Variants in LRIG1 observed in about 807,000 individuals in gnomAD.
LRIG1 encodes leucine rich repeats and immunoglobulin like domains 1.
In LRIG1, 48 loss-of-function variants were observed where a neutral mutation model predicts 99.2. The observed-to-expected ratio is 0.48, with a 90% CI of 0.38 to 0.62. LRIG1 has a LOEUF of 0.62. Ranked by LOEUF, LRIG1 falls within the 20% of genes least tolerant of loss-of-function variation. The pLI is 0.00. For synonymous variants in LRIG1, 772 were observed against 596.1 expected (o/e 1.29, Z -4.30); for missense variants, 1,646 against 1,434.4 (o/e 1.15, Z -2.38).
Position 66,441,052 on chromosome 3 carries a change from G to A in LRIG1, c.365+10507C>T, listed in dbSNP as rs142264087. ...GGAGCCCTGCTATTTACAAACTAAC[G>A]TCACAGCAGCTGTCCCCGAGGAAAA... On this transcript the variant is annotated intron_variant, in intron 3 of 18. Transcript: ENST00000273261. 7.5e-3 allele frequency among the ~76,000 whole-genome samples: 1,142 copies of A among 152,200 alleles called. 8 individuals are homozygous for A. Among genetic ancestry groups the A allele is most frequent in the Non-Finnish European group, 0.012 (809 of 68,020 alleles).
At chr3:66,496,580 T>A (rs1430902490) in intron 1 of LRIG1, among the ~76,000 whole-genome samples, 1 of 152,216 alleles carries the variant, frequency 6.6e-6, no homozygotes, top group Non-Finnish European at 1.5e-5. Context: ...TCAGACTGTA[T>A]TCTTGGCAAT....
At chr3:66,381,086 G>A in intron 17 of LRIG1, 1 of 597,466 alleles carries the variant, frequency 1.7e-6, no homozygotes, top group Non-Finnish European at 3.0e-6. Flanking sequence ...GAATTTCATA[G>A]ACAATGTAGT....
chr3:66,439,725 G>A (rs896599152), intron 3 of LRIG1, among the ~76,000 whole-genome samples: 2 of 152,104 alleles, frequency 1.3e-5, no homozygotes, highest in African/African-American at 4.8e-5. Flanking sequence ...GAATGCAAAT[G>A]ACAGTTGGGT....
intron 3 of LRIG1, among the ~76,000 whole-genome samples, chr3:66,445,287 A>T (rs1382566728): frequency 1.3e-5 from 2 of 149,590 alleles, no homozygotes; most frequent in South Asian, 2.1e-4. Context: ...TTTTTTTTTT[A>T]AAGTAAGGTT....
intron 3 of LRIG1, among the ~76,000 whole-genome samples, chr3:66,419,094 G>A (rs1490254838): frequency 6.6e-6 from 1 of 152,238 alleles, no homozygotes; most frequent in Non-Finnish European, 1.5e-5. Context: ...TCCGGGAACT[G>A]TGAATGTGGT....
At chr3:66,451,341 T>C (rs1703898604) in intron 3 of LRIG1, among the ~76,000 whole-genome samples, 1 of 151,958 alleles carries the variant, frequency 6.6e-6, no homozygotes, top group East Asian at 1.9e-4. Flanking sequence ...CCTACTTTCT[T>C]GCAAATTAAA....
chr3:66,499,706 C>A (rs1003509741), intron 1 of LRIG1, among the ~76,000 whole-genome samples: 1 of 152,124 alleles, frequency 6.6e-6, no homozygotes, highest in Non-Finnish European at 1.5e-5. Context: ...ACCCAACAGT[C>A]ACCTTCATTC....
chr3:66,474,043 G>A (rs1700661195), intron 1 of LRIG1, among the ~76,000 whole-genome samples: 1 of 152,166 alleles, frequency 6.6e-6, no homozygotes, highest in Non-Finnish European at 1.5e-5. Flanking sequence ...TCTGGTTGTT[G>A]AAATGGCTGA....
chr3:66,397,713 T>C (rs759918226), intron 11 of LRIG1, among the ~76,000 whole-genome samples: 2 of 152,188 alleles, frequency 1.3e-5, no homozygotes, highest in Non-Finnish European at 2.9e-5. Context: ...GGCTCTGAAG[T>C]AGACCCTCTC....
chr3:66,381,859 G>A (rs1298047388), intron 16 of LRIG1, among the ~76,000 whole-genome samples: 2 of 152,158 alleles, frequency 1.3e-5, no homozygotes, highest in African/African-American at 4.8e-5. Flanking sequence ...TACAGTCTCA[G>A]GCAAGTGCTC....
At chr3:66,381,029 C>T in intron 17 of LRIG1, 168 bp from the exon 18 acceptor site, 1 of 663,376 alleles carries the variant, frequency 1.5e-6, no homozygotes, top group Non-Finnish European at 2.5e-6. Context: ...AAGGACTGGG[C>T]AAACACCAAG....
In LRIG1 at chr3:66,380,721, C is replaced by T. The variant is rs528566882; in HGVS notation, c.2911G>A (p.Asp971Asn). The part of the protein sequence containing the change: ...APNGPEPGGS[D>N]QEHSPHHQCS... ...TGGTGATGTGGAGAATGCTCTTGGT[C>T]ACTCCCACCCGGCTCCGGGCCATTT... Residue 971 changes from aspartate to asparagine, a missense_variant, in exon 18 of 19, where the codon GAC becomes AAC. Asp to Asn is a conservative substitution (Grantham distance 23). Transcript: ENST00000273261. The T allele has an allele frequency of 1.2e-6, 2 of 1,614,194 alleles. No homozygotes were observed. Among genetic ancestry groups the T allele is most frequent in the East Asian group, 2.2e-5 (1 of 44,868 alleles).
At chr3:66,490,038 G>T (rs1701067613) in intron 1 of LRIG1, among the ~76,000 whole-genome samples, 1 of 152,126 alleles carries the variant, frequency 6.6e-6, no homozygotes. Flanking sequence ...GGATAGTAAT[G>T]AAATGAATAT....
At chr3:66,413,915 T>G (rs1229884875) in intron 5 of LRIG1, among the ~76,000 whole-genome samples, 1 of 152,072 alleles carries the variant, frequency 6.6e-6, no homozygotes, top group Non-Finnish European at 1.5e-5. Context: ...AAACAAAATT[T>G]CCAATACTGT....
At chr3:66,395,562 TA>T (rs1701812865) in intron 11 of LRIG1, among the ~76,000 whole-genome samples, 1 of 152,186 alleles carries the variant, frequency 6.6e-6, no homozygotes, top group South Asian at 2.1e-4. Context: ...TCAAGGCCAT[TA>T]TAACTGGGAT....
At chr3:66,390,747 TATCTC>T (rs1701585076) in intron 12 of LRIG1, among the ~76,000 whole-genome samples, 1 of 152,226 alleles carries the variant, frequency 6.6e-6, no homozygotes, top group African/African-American at 2.4e-5. Flanking sequence ...TTTGTGACCT[TATCTC>T]AGGCAAATAG....
intron 3 of LRIG1, among the ~76,000 whole-genome samples, chr3:66,447,584 C>CTTTA (rs1277994141): frequency 5.3e-5 from 8 of 152,108 alleles, no homozygotes; most frequent in African/African-American, 1.7e-4. Flanking sequence ...TGACAAGGCA[C>CTTTA]CATAAAGGGA....
In LRIG1 at chr3:66,394,155, C is replaced by A. The variant is rs1701745917; in HGVS notation, c.1353G>T (p.Leu451=). 4 of 1,609,838 alleles carry A rather than the reference C, an allele frequency of 2.5e-6. No individual in the cohort carries two copies. Among genetic ancestry groups the A allele is most frequent in the Non-Finnish European group, 3.4e-6 (4 of 1,178,190 alleles). ...SFLCDCQLKW[L]PPWLIGRMLQ... ...GCATCCTGCCAATTAGCCACGGGGG[C>A]AGCCACTTCAGCTGGCAGTCACACA... The change falls in exon 12 of 19, where the codon CTG becomes CTT. Residue 451 remains leucine, a synonymous_variant. Coordinates refer to ENST00000273261, the MANE Select transcript of LRIG1 (RefSeq NM_015541.3).
intron 9 of LRIG1, chr3:66,404,217 TAA>T (rs1334052687): frequency 7.8e-7 from 1 of 1,286,354 alleles, no homozygotes; most frequent in African/African-American, 1.5e-5. Context: ...ATCTACTATA[TAA>T]AAAGACTCTC....
Sources: gnomAD v4.1 joint callset for allele counts (sites outside exome capture counted in the v4.1 genomes callset) on GRCh38, gnomAD v4.1.1 for gene constraint, MANE v1.5 for transcripts, NCBI Gene and HGNC (gene_info 2026-07-23, HGNC 2026-07-21) for gene names.